SPMIP2: variants seen among roughly 807,000 people sequenced by gnomAD.
SPMIP2 encodes the protein sperm microtubule inner protein 2.
At chr4:159,034,019 C>T in the SPMIP2 span, among the ~76,000 whole-genome samples, 2 of 152,130 alleles carry the variant, frequency 1.3e-5, no homozygotes, top group Non-Finnish European at 2.9e-5. Flanking sequence ...TGCCTATAGT[C>T]CTAGCTACTC....
chr4:158,899,803 G>A, the SPMIP2 span, among the ~76,000 whole-genome samples: 1 of 152,080 alleles, frequency 6.6e-6, no homozygotes, highest in African/African-American at 2.4e-5. Context: ...ACCAGCTCCT[G>A]GATTCATTGA....
the SPMIP2 span, among the ~76,000 whole-genome samples, chr4:158,939,702 G>T: frequency 6.6e-6 from 1 of 152,136 alleles, no homozygotes; most frequent in African/African-American, 2.4e-5. Flanking sequence ...CTGGGGCCGG[G>T]TGTGGTGGCT....
the SPMIP2 span, among the ~76,000 whole-genome samples, chr4:158,963,275 T>C: frequency 1.4e-5 from 1 of 72,376 alleles, no homozygotes; most frequent in Admixed American, 1.8e-4. Context: ...TATCCTGTAG[T>C]AGGTAGTTTT....
At chr4:159,052,738 A>G in the SPMIP2 span, among the ~76,000 whole-genome samples, 1 of 151,010 alleles carries the variant, frequency 6.6e-6, no homozygotes, top group Non-Finnish European at 1.5e-5. Flanking sequence ...GGTTCAAGCC[A>G]TTCTCCTGCC....
chr4:159,046,956 G>A, the SPMIP2 span, among the ~76,000 whole-genome samples: 1 of 152,124 alleles, frequency 6.6e-6, no homozygotes, highest in African/African-American at 2.4e-5. Context: ...AAGAATGATC[G>A]ATCCATAAGA....
At chr4:159,043,940 T>C in the SPMIP2 span, among the ~76,000 whole-genome samples, 1 of 152,184 alleles carries the variant, frequency 6.6e-6, no homozygotes, top group Non-Finnish European at 1.5e-5. Context: ...AAGAGAGTCT[T>C]ATAATTATAA....
the SPMIP2 span, among the ~76,000 whole-genome samples, chr4:158,951,918 T>G: frequency 2.0e-5 from 3 of 152,250 alleles, no homozygotes; most frequent in African/African-American, 7.2e-5. Context: ...GGGAAAAGGC[T>G]TAGGCTAGAC....
the SPMIP2 span, among the ~76,000 whole-genome samples, chr4:158,968,317 C>G: frequency 2.0e-5 from 3 of 152,300 alleles, no homozygotes; most frequent in South Asian, 6.2e-4. Flanking sequence ...GCATGAGCCA[C>G]CATGTCCGGC....
chr4:158,928,779 G>A, the SPMIP2 span, among the ~76,000 whole-genome samples: 1 of 152,136 alleles, frequency 6.6e-6, no homozygotes, highest in Non-Finnish European at 1.5e-5. Flanking sequence ...GCTAAGGTCT[G>A]CGGCTTCACT....
chr4:159,005,856 C>T, the SPMIP2 span, among the ~76,000 whole-genome samples: 1 of 152,140 alleles, frequency 6.6e-6, no homozygotes. Flanking sequence ...CCTCCATTTC[C>T]CAGGTTCGAG....
At chr4:158,912,328 A>C in the SPMIP2 span, among the ~76,000 whole-genome samples, 1 of 152,250 alleles carries the variant, frequency 6.6e-6, no homozygotes, top group Admixed American at 6.5e-5. Flanking sequence ...CCTTAAGTTT[A>C]TACATGGAAA....
chr4:159,008,434 T>G, the SPMIP2 span, among the ~76,000 whole-genome samples: 1 of 152,170 alleles, frequency 6.6e-6, no homozygotes, highest in Non-Finnish European at 1.5e-5. Context: ...TTAGGTGTGG[T>G]GGCACACGCC....
chr4:158,939,499 G>T, the SPMIP2 span, among the ~76,000 whole-genome samples: 73 of 152,066 alleles, frequency 4.8e-4, 1 homozygote, highest in East Asian at 0.013. Flanking sequence ...TAAAAATTTT[G>T]ACCAAATATT....
At chr4:158,980,598 C>T in the SPMIP2 span, among the ~76,000 whole-genome samples, 1 of 152,202 alleles carries the variant, frequency 6.6e-6, no homozygotes, top group Non-Finnish European at 1.5e-5. Context: ...ATTAGCAGAC[C>T]CGCAGCAGAG....
chr4:158,954,404 CTG>C, the SPMIP2 span, among the ~76,000 whole-genome samples: 1 of 152,178 alleles, frequency 6.6e-6, no homozygotes, highest in South Asian at 2.1e-4. Flanking sequence ...TCATGTGGAA[CTG>C]TAAGTCCAAT....
the SPMIP2 span, among the ~76,000 whole-genome samples, chr4:159,024,848 G>A: frequency 6.6e-6 from 1 of 152,080 alleles, no homozygotes; most frequent in Admixed American, 6.6e-5. Flanking sequence ...TCATCTTCTA[G>A]GCCCAGTAGC....
At chr4:158,916,619 A>ATATGTATG in the SPMIP2 span, among the ~76,000 whole-genome samples, 3,472 of 150,718 alleles carry the variant, frequency 0.023, 50 homozygotes, top group Middle Eastern at 0.045. Flanking sequence ...ATGTATGTAC[A>ATATGTATG]TATGTATGTA....
chr4:158,952,911 T>C, the SPMIP2 span, among the ~76,000 whole-genome samples: 2 of 152,178 alleles, frequency 1.3e-5, no homozygotes, highest in African/African-American at 4.8e-5. Flanking sequence ...ATTTAGCGTA[T>C]CTGGTGGAAG....
the SPMIP2 span, among the ~76,000 whole-genome samples, chr4:158,936,019 A>G: frequency 6.6e-6 from 1 of 152,212 alleles, no homozygotes; most frequent in Admixed American, 6.5e-5. Context: ...GTATTTTGGC[A>G]AAATAAGGAG....
Sources: allele counts gnomAD v4.1 joint callset (sites outside exome capture counted in the v4.1 genomes callset), GRCh38; gene constraint gnomAD v4.1.1; transcripts MANE v1.5; gene names NCBI Gene and HGNC (gene_info 2026-07-23, HGNC 2026-07-21).